The following NLGN1 variants were observed in gnomAD, a reference collection of about 807,000 sequenced individuals.
The protein encoded by NLGN1 is neuroligin-1.
NLGN1 carries 12 observed loss-of-function variants against 65.5 expected under a neutral mutation model. That is an observed-to-expected ratio of 0.18 (90% CI 0.12 to 0.30). The LOEUF (loss-of-function observed/expected upper bound fraction) is 0.30, where lower values mean the gene tolerates loss of function less well. Among genes scored for constraint, NLGN1 ranks in the 10% least tolerant of loss-of-function variants. NLGN1 has a pLI of 1.00. For synonymous variants in NLGN1, 350 were observed against 359.5 expected (o/e 0.97, Z 0.30); for missense variants, 750 against 1,007.1 (o/e 0.74, Z 3.46).
In NLGN1 at chr3:173,620,145, T is replaced by G. The variant is rs114888606; in HGVS notation, c.493+15054T>G. Among the ~76,000 whole-genome samples the G allele has an allele frequency of 2.9e-3, 445 of 152,260 alleles. 1 individual carries two copies. Among genetic ancestry groups the G allele is most frequent in the African/African-American group, 0.01 (431 of 41,560 alleles). On this transcript the variant is annotated intron_variant, in intron 3 of 6. Transcript: ENST00000457714. ...TAGAATGTTCTTTCTGACAACAGTA[T>G]AAATGATGGAATCCAAGGATGATAA... is the stretch of plus-strand genomic sequence containing the variant.
intron 3 of NLGN1, among the ~76,000 whole-genome samples, chr3:173,743,571 T>G (rs1774953730): frequency 6.6e-6 from 1 of 152,294 alleles, no homozygotes. Context: ...GGACATTTTC[T>G]TTTTAGAATT....
intron 3 of NLGN1, among the ~76,000 whole-genome samples, chr3:173,787,047 A>C (rs1003408154): frequency 6.7e-6 from 1 of 150,254 alleles, no homozygotes; most frequent in African/African-American, 2.5e-5. Context: ...ATTGCCCTCC[A>C]GTCTGGGAAA....
chr3:174,055,351 G>A (rs1735832383), intron 4 of NLGN1, among the ~76,000 whole-genome samples: 3 of 151,846 alleles, frequency 2.0e-5, no homozygotes, highest in South Asian at 4.1e-4. Flanking sequence ...TTGAACCAAC[G>A]TTGGAAAGAA....
At chr3:174,153,530 T>A (rs1258074707) in intron 4 of NLGN1, among the ~76,000 whole-genome samples, 1 of 152,174 alleles carries the variant, frequency 6.6e-6, no homozygotes, top group Non-Finnish European at 1.5e-5. Context: ...AACTTAATAA[T>A]CACATTTGTA....
chr3:173,547,419 A>G (rs890784683), intron 2 of NLGN1, among the ~76,000 whole-genome samples: 16 of 152,150 alleles, frequency 1.1e-4, no homozygotes, highest in African/African-American at 3.9e-4. Flanking sequence ...TATGCCTTTG[A>G]TAAATGAATG....
At chr3:174,245,134 C>T (rs1353735669) in intron 4 of NLGN1, among the ~76,000 whole-genome samples, 1 of 152,112 alleles carries the variant, frequency 6.6e-6, no homozygotes, top group Non-Finnish European at 1.5e-5. Context: ...TTGTATGCTG[C>T]TGTTTTGTGT....
intron 1 of NLGN1, chr3:173,399,587 G>T (rs1250034684): frequency 1.3e-5 from 2 of 152,224 alleles, no homozygotes; most frequent in Non-Finnish European, 2.9e-5. Context: ...TTTGCAGGGT[G>T]TTGGAAGGCC....
chr3:173,435,494 C>T (rs377103577), intron 2 of NLGN1, among the ~76,000 whole-genome samples: 24 of 151,954 alleles, frequency 1.6e-4, no homozygotes, highest in Admixed American at 9.8e-4. Context: ...TTCACGGAAG[C>T]GTTATGTTGT....
In NLGN1 at chr3:173,718,454, T is replaced by C. The variant is rs532520243; in HGVS notation, c.494-89226T>C. On this transcript the variant is annotated intron_variant, in intron 3 of 6. Transcript: ENST00000457714. ...ACATAATGACCTCCAGTTCCATCCA[T>C]GTTGCTGAAAAAAATGCCAGTCACA... is the stretch of plus-strand genomic sequence containing the variant. Among the ~76,000 whole-genome samples, 8 of 152,316 alleles carry C rather than the reference T, an allele frequency of 5.3e-5. No homozygotes were observed. In the South Asian group the frequency reaches 1.7e-3, roughly 32 times the overall value.
chr3:173,910,377 CTT>C (rs1274634876), intron 4 of NLGN1: 1 of 152,138 alleles, frequency 6.6e-6, no homozygotes, highest in Non-Finnish European at 1.5e-5. Flanking sequence ...AAAAATGAAA[CTT>C]TTCCTACAAC....
At chr3:174,013,234 A>T (rs1182885827) in intron 4 of NLGN1, among the ~76,000 whole-genome samples, 1 of 152,038 alleles carries the variant, frequency 6.6e-6, no homozygotes, top group African/African-American at 2.4e-5. Flanking sequence ...TGGGATTCTG[A>T]GTGTTCTTGA....
At chr3:173,527,840 T>C (rs1735909253) in intron 2 of NLGN1, among the ~76,000 whole-genome samples, 1 of 152,252 alleles carries the variant, frequency 6.6e-6, no homozygotes, top group Admixed American at 6.5e-5. Flanking sequence ...GTGAATCTCT[T>C]GAAGGCAGCA....
At chr3:174,272,547 T>A (rs1577729770) in intron 4 of NLGN1, among the ~76,000 whole-genome samples, 1 of 151,836 alleles carries the variant, frequency 6.6e-6, no homozygotes, top group East Asian at 1.9e-4. Flanking sequence ...GCTTGGTCAG[T>A]TGGCCTTAAT....
chr3:174,004,213 ATTAG>A lies in NLGN1; in HGVS notation c.646+196386_646+196389del, dbSNP rs1168285757. On this transcript the variant is annotated intron_variant, in intron 4 of 6. Coordinates refer to ENST00000457714, the Ensembl canonical transcript of NLGN1. ...TTGTTATTACTACATCTTTATTAACATTAGTTAGAATCATTTAAAAATTATATTA... is the reference window on the plus strand; with the variant it reads ...TTGTTATTACTACATCTTTATTAACATTAGAATCATTTAAAAATTATATTA... Among the ~76,000 whole-genome samples, 5 of 152,288 alleles carry A rather than the reference ATTAG, an allele frequency of 3.3e-5. No homozygotes were observed. The East Asian group carries it at 9.6e-4, about 29-fold the overall frequency.
Position 174,191,314 on chromosome 3 carries a change from A to G in NLGN1, c.647-84001A>G, listed in dbSNP as rs78396845. 5.8e-3 allele frequency among the ~76,000 whole-genome samples: 885 copies of G among 152,274 alleles called. 23 individuals are homozygous for G. Among genetic ancestry groups the G allele is most frequent in the East Asian group, 0.029 (152 of 5,190 alleles). Reference sequence around the variant, plus strand: ...GAAAGTAGCAGTTAATGTCACAACTACTGTTCTGTTATGCATGCGAGGGAA... The same window carrying G: ...GAAAGTAGCAGTTAATGTCACAACTGCTGTTCTGTTATGCATGCGAGGGAA... On this transcript the variant is annotated intron_variant, in intron 4 of 6. Transcript: ENST00000457714.
At chr3:173,964,176 A>G (rs1385759128) in intron 4 of NLGN1, among the ~76,000 whole-genome samples, 1 of 152,184 alleles carries the variant, frequency 6.6e-6, no homozygotes, top group Non-Finnish European at 1.5e-5. Context: ...GACAGATGAT[A>G]TGACAGTGAT....
chr3:174,012,410 A>G (rs1184664386), intron 4 of NLGN1, among the ~76,000 whole-genome samples: 1 of 152,176 alleles, frequency 6.6e-6, no homozygotes, highest in Admixed American at 6.5e-5. Flanking sequence ...CACTGATTTC[A>G]GAGGAAATAC....
chr3:174,092,429 AAAG>A (rs1744695504), intron 4 of NLGN1, among the ~76,000 whole-genome samples: 1 of 152,166 alleles, frequency 6.6e-6, no homozygotes, highest in Non-Finnish European at 1.5e-5. Context: ...TTTTGGCAAA[AAAG>A]TTTTCATTTC....
intron 2 of NLGN1, among the ~76,000 whole-genome samples, chr3:173,547,588 G>A (rs1162850785): frequency 6.6e-6 from 1 of 152,092 alleles, no homozygotes; most frequent in Non-Finnish European, 1.5e-5. Flanking sequence ...ATGCTTCTTT[G>A]TTGATCTTAT....
Sources: allele counts gnomAD v4.1 joint callset (sites outside exome capture counted in the v4.1 genomes callset), GRCh38; gene constraint gnomAD v4.1.1; transcripts MANE v1.5; gene names NCBI Gene and HGNC (gene_info 2026-07-23, HGNC 2026-07-21).